POP1: variants seen among roughly 807,000 people sequenced by gnomAD.
POP1 encodes ribonucleases P/MRP protein subunit POP1.
POP1 carries 75 observed loss-of-function variants against 102.2 expected under a neutral mutation model. The ratio of observed to expected loss-of-function variants is 0.73; its 90% confidence interval spans 0.61 to 0.89. The LOEUF (loss-of-function observed/expected upper bound fraction) is 0.89, where lower values mean the gene tolerates loss of function less well. POP1 is among the 40% of genes least tolerant of loss of function. The probability of loss-of-function intolerance (pLI) is 0.00; values close to 1 mark genes in which losing one functional copy is unlikely to be tolerated. For missense variants in POP1, 1,116 were observed against 1,267.4 expected (o/e 0.88, Z 1.81); for synonymous variants, 436 against 464.1 (o/e 0.94, Z 0.78).
In POP1 at chr8:98,151,882, A is replaced by G. The variant is rs550949871; in HGVS notation, c.2057+1243A>G. On this transcript the variant is annotated intron_variant, in intron 14 of 15. Transcript: ENST00000401707. ...CTCAGCCTCCTGAGTAGCTGGGACT[A>G]TAGGCACCTGCCACCATGCCTGGCT... Among the ~76,000 whole-genome samples, 27 of 151,852 alleles carry G rather than the reference A, an allele frequency of 1.8e-4. No homozygotes were observed. The South Asian group carries it at 4.8e-3, about 27-fold the overall frequency.
intron 12 of POP1, among the ~76,000 whole-genome samples, chr8:98,146,945 T>C (rs1700292026): frequency 1.3e-5 from 2 of 152,252 alleles, no homozygotes; most frequent in Non-Finnish European, 2.9e-5. Flanking sequence ...AGAATAAAGA[T>C]ACATACTGTG....
At chr8:98,138,268 G>A (rs1816606022) in intron 9 of POP1, among the ~76,000 whole-genome samples, 1 of 152,194 alleles carries the variant, frequency 6.6e-6, no homozygotes, top group South Asian at 2.1e-4. Flanking sequence ...AGTGCTCAAT[G>A]TGACCCGTGT....
At chr8:98,127,475 C>T (rs1816241473) in intron 2 of POP1, 120 bp from the exon 3 acceptor site, 5 of 1,251,588 alleles carry the variant, frequency 4.0e-6, no homozygotes, top group Non-Finnish European at 5.7e-6. Context: ...TAATAGCCAC[C>T]TTACAGGGTG....
intron 14 of POP1, among the ~76,000 whole-genome samples, chr8:98,155,689 C>T (rs1405735149): frequency 2.6e-5 from 4 of 151,970 alleles, no homozygotes; most frequent in Non-Finnish European, 4.4e-5. Context: ...TTAAGTGATT[C>T]GTCTGCCTCA....
At chr8:98,130,365 G>T in intron 5 of POP1, 139 bp downstream of exon 5, 1 of 1,285,722 alleles carries the variant, frequency 7.8e-7, no homozygotes. Context: ...TGAAGCCCGG[G>T]TCCTTTGCCA....
chr8:98,136,103 C>T (rs558528771), intron 7 of POP1, among the ~76,000 whole-genome samples: 11 of 149,716 alleles, frequency 7.3e-5, no homozygotes, highest in East Asian at 1.9e-4. Flanking sequence ...TTTTTTGAGA[C>T]GGAGTCTTGC....
chr8:98,144,422 C>T (rs1018406491), intron 11 of POP1, among the ~76,000 whole-genome samples: 5 of 151,932 alleles, frequency 3.3e-5, no homozygotes, highest in Non-Finnish European at 7.4e-5. Context: ...ATTACAGGCA[C>T]ATACCACTAT....
In POP1 at chr8:98,121,610, T is replaced by C. The variant is rs565824316; in HGVS notation, c.-2-1726T>C. On this transcript the variant is annotated intron_variant, in intron 1 of 15. Transcript: ENST00000401707. The stretch of plus-strand genomic sequence containing the variant: ...TCGGCTCAATGCAACCTCCACCTCC[T>C]GGGTTCAAGCGATTCTCCTGTCGCA... Among the ~76,000 whole-genome samples, 141 of 147,438 alleles carry C rather than the reference T, an allele frequency of 9.6e-4. 3 individuals are homozygous for C. The South Asian group carries it at 0.03, about 32-fold the overall frequency.
Position 98,119,671 on chromosome 8 carries a change from C to T in POP1, c.-3+2281C>T, listed in dbSNP as rs923468322. 2.0e-5 allele frequency among the ~76,000 whole-genome samples: 3 copies of T among 152,160 alleles called. No individual in the cohort carries two copies. In the East Asian group the frequency reaches 5.8e-4, roughly 29 times the overall value. ...CTCACTCACTGCAGCCTTGACCTCC[C>T]TGTCTCAAGCGATCTTCCCACTTCA... On this transcript the variant is annotated intron_variant, in intron 1 of 15. Coordinates refer to ENST00000401707, the MANE Select transcript of POP1 (RefSeq NM_001145860.2).
Position 98,133,945 on chromosome 8 carries a change from G to A in POP1, c.736-4G>A. ...TACTTAATTGTGTCTCCCGCTTTGTGCAGGATTTATCCTATTACTGTTGTT... is the reference window on the plus strand; with the variant it reads ...TACTTAATTGTGTCTCCCGCTTTGTACAGGATTTATCCTATTACTGTTGTT... On this transcript the variant is annotated splice_polypyrimidine_tract_variant and splice_region_variant and intron_variant, in intron 5 of 15. Transcript: ENST00000401707. 6.2e-7 allele frequency: 1 copy of A among 1,609,916 alleles called. No homozygotes were observed. Among genetic ancestry groups the A allele is most frequent in the Non-Finnish European group, 8.5e-7 (1 of 1,176,236 alleles).
chr8:98,137,283 C>T lies in POP1; in HGVS notation c.1362+329C>T, dbSNP rs767860502. Among the ~76,000 whole-genome samples, 56 of 150,810 alleles carry T rather than the reference C, an allele frequency of 3.7e-4. 1 individual carries two copies. The highest frequency in any genetic ancestry group is 3.4e-4 in the Non-Finnish European group (23 of 67,856). On this transcript the variant is annotated intron_variant, in intron 9 of 15. Transcript: ENST00000401707. ...TGTGTGCCAGATTTTGTGATGTGTG[C>T]GTGTGCCATGTAGGTTTTCTTTTCT... is the stretch of plus-strand genomic sequence containing the variant.
At position 98,157,719 on chromosome 8, in the gene POP1, C is replaced by A. The variant is rs1266076965; in HGVS notation, c.2523C>A (p.Thr841=). The change falls in exon 16 of 16, where the codon ACC becomes ACA. Residue 841 remains threonine (T), a synonymous_variant. Transcript: ENST00000401707. Reference sequence around the variant, plus strand: ...CCGGCAGAGGCCAGCAAGGATTGACCAGAGAGGCTTGCCTGTCCATCTTGG... The same window carrying A: ...CCGGCAGAGGCCAGCAAGGATTGACAAGAGAGGCTTGCCTGTCCATCTTGG... ...RAPGRGQQGL[T]REACLSILGH... 1 of 1,614,066 alleles carries A rather than the reference C, an allele frequency of 6.2e-7. No homozygotes were observed. The highest frequency in any genetic ancestry group is 2.2e-5 in the East Asian group (1 of 44,894).
intron 4 of POP1, 105 bp downstream of exon 4, chr8:98,128,645 A>C: frequency 7.7e-7 from 1 of 1,300,392 alleles, no homozygotes; most frequent in Non-Finnish European, 1.1e-6. Context: ...AAGGCTGGGC[A>C]TGGTGGCTCA....
intron 14 of POP1, among the ~76,000 whole-genome samples, chr8:98,155,229 TG>T (rs1809616591): frequency 2.6e-5 from 4 of 152,186 alleles, no homozygotes; most frequent in African/African-American, 9.7e-5. Context: ...CATTGTTTAT[TG>T]AAGACCAAAG....
Position 98,145,919 on chromosome 8 carries a change from G to C in POP1, c.1595-649G>C, listed in dbSNP as rs550828183. Among the ~76,000 whole-genome samples the C allele has an allele frequency of 2.0e-5, 3 of 151,768 alleles. No homozygotes were observed. In the South Asian group the frequency reaches 6.3e-4, roughly 32 times the overall value. ...AGACTCTGTCTCAAAGAAAAAAAAA[G>C]GATGAAAAAATACATTTTACAGAAA... is the stretch of plus-strand genomic sequence containing the variant. On this transcript the variant is annotated intron_variant, in intron 11 of 15. Transcript: ENST00000401707.
chr8:98,146,774 T>C, intron 12 of POP1, 91 bp downstream of exon 12: 1 of 937,164 alleles, frequency 1.1e-6, no homozygotes, highest in Non-Finnish European at 1.7e-6. Context: ...TCATACTTCA[T>C]AGAATTCCAT....
At chr8:98,150,700 A>G (rs1174170575) in intron 14 of POP1, 61 bp downstream of exon 14, 4 of 1,514,070 alleles carry the variant, frequency 2.6e-6, no homozygotes, top group Non-Finnish European at 3.6e-6. Flanking sequence ...GCCTGCTTAT[A>G]TTGGTATCCC....
rs1251582356 is a variant in POP1, at chr8:98,123,394, T to C, written c.57T>C (p.Asn19=). Residue 19 remains asparagine (N), a synonymous_variant, in exon 2 of 16, where the codon AAT becomes AAC. Coordinates refer to ENST00000401707, the MANE Select transcript of POP1 (RefSeq NM_001145860.2). ...AGAAAATGAGAAACCAGCCTACCAATGTGACTCTGTCCTCTGGCTTTGTGG... is the reference window on the plus strand; with the variant it reads ...AGAAAATGAGAAACCAGCCTACCAACGTGACTCTGTCCTCTGGCTTTGTGG... ...HAKKMRNQPT[N]VTLSSGFVAD... 6.2e-7 allele frequency: 1 copy of C among 1,614,090 alleles called. No homozygotes were observed. The highest frequency in any genetic ancestry group is 8.5e-7 in the Non-Finnish European group (1 of 1,179,980).
chr8:98,123,421 T>C lies in POP1; in HGVS notation c.84T>C (p.Ala28=). ...TGACTCTGTCCTCTGGCTTTGTGGC[T>C]GACAGAGGTGTAAAGCACCACAGTG... ...TNVTLSSGFV[A]DRGVKHHSGG... is the part of the protein sequence containing the mutation. Residue 28 remains alanine, a synonymous_variant, in exon 2 of 16, where the codon GCT becomes GCC. Coordinates refer to ENST00000401707, the MANE Select transcript of POP1 (RefSeq NM_001145860.2). The C allele has an allele frequency of 1.2e-6, 2 of 1,614,150 alleles. No individual in the cohort carries two copies. Among genetic ancestry groups the C allele is most frequent in the South Asian group, 1.1e-5 (1 of 91,080 alleles).
Sources: gnomAD v4.1 joint callset for allele counts (sites outside exome capture counted in the v4.1 genomes callset) on GRCh38, gnomAD v4.1.1 for gene constraint, MANE v1.5 for transcripts, NCBI Gene and HGNC (gene_info 2026-07-23, HGNC 2026-07-21) for gene names.